RYR2: variants seen among roughly 807,000 people sequenced by gnomAD.
The protein encoded by RYR2 is cardiac muscle ryanodine receptor-calcium release channel.
Under a neutral mutation model 601.1 loss-of-function variants are expected in RYR2, and 227 were observed. The observed-to-expected ratio is 0.38, with a 90% CI of 0.34 to 0.42. The LOEUF is 0.42. RYR2 is among the 10% of genes least tolerant of loss of function. The pLI is 1.00. For synonymous variants in RYR2, 2,223 were observed against 2,175.1 expected, an observed-to-expected ratio of 1.02 and a Z score of -0.61; for missense variants, 4,646 against 6,156.5, an observed-to-expected ratio of 0.75 and a Z score of 8.21.
At chr1:237,339,332 T>C (rs1442167833) in intron 3 of RYR2, among the ~76,000 whole-genome samples, 3 of 152,214 alleles carry the variant, frequency 2.0e-5, no homozygotes, top group East Asian at 3.8e-4. Context: ...GTTTATTTAG[T>C]TATTTTTAAT....
At chr1:237,151,723 A>G (rs2485584) in intron 1 of RYR2, among the ~76,000 whole-genome samples, 69,412 of 152,090 alleles carry the variant, frequency 0.46, 16,998 homozygotes, top group Non-Finnish European at 0.54. Flanking sequence ...CTGAAGGAGC[A>G]GAGGAGGACC....
chr1:237,330,612 T>C (rs1024409869), intron 2 of RYR2, among the ~76,000 whole-genome samples: 1 of 152,182 alleles, frequency 6.6e-6, no homozygotes, highest in Non-Finnish European at 1.5e-5. Flanking sequence ...GAACTCAAAC[T>C]CCTGACCTCA....
In RYR2 at chr1:237,589,960, C is replaced by T. The variant is rs769729405; in HGVS notation, c.3766C>T (p.Pro1256Ser). Residue 1256 changes from proline to serine, a missense_variant, in exon 30 of 105, where the codon CCT (proline) becomes TCT (serine). By Grantham distance (74) the Pro-to-Ser change is moderately conservative. Coordinates refer to ENST00000366574, the MANE Select transcript of RYR2 (RefSeq NM_001035.3). ...TACCATGTGGCTGAGCAAGAGGCTTCCTCAGTTTCTTCAAGTTCCATCAAA... is the reference window on the plus strand; with the variant it reads ...TACCATGTGGCTGAGCAAGAGGCTTTCTCAGTTTCTTCAAGTTCCATCAAA... ...DITMWLSKRLPQFLQVPSNHE... is the reference protein window; with the variant it reads ...DITMWLSKRLSQFLQVPSNHE... 1 of 1,613,866 alleles carries T rather than the reference C, an allele frequency of 6.2e-7. No homozygotes were observed. Among genetic ancestry groups the T allele is most frequent in the African/African-American group, 1.3e-5 (1 of 75,038 alleles).
intron 1 of RYR2, among the ~76,000 whole-genome samples, chr1:237,158,782 G>A (rs1048046660): frequency 1.1e-4 from 16 of 152,162 alleles, no homozygotes; most frequent in South Asian, 2.1e-4. Flanking sequence ...AATGATTGCC[G>A]AATGAATGAA....
intron 1 of RYR2, among the ~76,000 whole-genome samples, chr1:237,046,380 A>G (rs1660606616): frequency 6.6e-6 from 1 of 152,212 alleles, no homozygotes; most frequent in Admixed American, 6.5e-5. Context: ...GGTTTATAGC[A>G]AAAGAATACC....
intron 2 of RYR2, among the ~76,000 whole-genome samples, chr1:237,285,569 C>G (rs1691470245): frequency 6.6e-6 from 1 of 152,122 alleles, no homozygotes; most frequent in Non-Finnish European, 1.5e-5. Context: ...CCTTCTTTCT[C>G]TATCTTGTAG....
At chr1:237,214,374 G>T (rs1400715038) in intron 1 of RYR2, among the ~76,000 whole-genome samples, 1 of 152,150 alleles carries the variant, frequency 6.6e-6, no homozygotes, top group Non-Finnish European at 1.5e-5. Flanking sequence ...TGTACAAGGG[G>T]CATGACACCA....
At chr1:237,403,590 T>G (rs1430474170) in intron 10 of RYR2, among the ~76,000 whole-genome samples, 3 of 152,158 alleles carry the variant, frequency 2.0e-5, no homozygotes, top group African/African-American at 4.8e-5. Context: ...CATGCCTGGC[T>G]AATGTTTAAA....
At chr1:237,348,263 C>T (rs750385871) in intron 3 of RYR2, among the ~76,000 whole-genome samples, 15 of 152,288 alleles carry the variant, frequency 9.8e-5, no homozygotes, top group South Asian at 2.1e-4. Context: ...GCATGCACCA[C>T]TATTCCAGAT....
intron 14 of RYR2, among the ~76,000 whole-genome samples, chr1:237,446,751 A>G (rs539604791): frequency 1.3e-5 from 2 of 152,264 alleles, no homozygotes; most frequent in East Asian, 3.9e-4. Context: ...TCTCAACTCC[A>G]AGCCTCATCA....
intron 71 of RYR2, among the ~76,000 whole-genome samples, chr1:237,714,246 C>A (rs918521503): frequency 6.6e-6 from 1 of 152,034 alleles, no homozygotes; most frequent in African/African-American, 2.4e-5. Flanking sequence ...AGATTATAGG[C>A]ATGCAACAAA....
At chr1:237,145,625 CA>C (rs1673921692) in intron 1 of RYR2, among the ~76,000 whole-genome samples, 1 of 152,172 alleles carries the variant, frequency 6.6e-6, no homozygotes, top group African/African-American at 2.4e-5. Flanking sequence ...CCAGTGTCAG[CA>C]GGCCTTTGTC....
chr1:237,537,708 A>G (rs1388102123), intron 25 of RYR2, among the ~76,000 whole-genome samples: 1 of 152,236 alleles, frequency 6.6e-6, no homozygotes, highest in Non-Finnish European at 1.5e-5. Context: ...ACAAATCTCA[A>G]AAATACTCCT....
At chr1:237,816,480 G>T (rs1366065179) in intron 100 of RYR2, among the ~76,000 whole-genome samples, 6 of 152,048 alleles carry the variant, frequency 3.9e-5, no homozygotes, top group Admixed American at 3.3e-4. Context: ...GAGGTCAGGA[G>T]TTGTTCGAGA....
intron 40 of RYR2, 93 bp from the exon 41 acceptor site, chr1:237,627,714 C>G: frequency 7.7e-7 from 1 of 1,294,882 alleles, no homozygotes; most frequent in Admixed American, 2.8e-5. Context: ...AATAGAAATA[C>G]CAATTTGGGG....
intron 49 of RYR2, among the ~76,000 whole-genome samples, 158 bp from the exon 50 acceptor site, chr1:237,649,719 T>C (rs185557970): frequency 6.6e-6 from 1 of 152,372 alleles, no homozygotes; most frequent in East Asian, 1.9e-4. Context: ...AAAAATCATA[T>C]GAACCCGACA....
In RYR2 at chr1:237,640,823, G is replaced by A. The variant is rs187908910; in HGVS notation, c.7116-74G>A. 8.2e-4 allele frequency: 983 copies of A among 1,192,228 alleles called. 1 individual carries two copies. The highest frequency in any genetic ancestry group is 9.9e-4 in the Non-Finnish European group (808 of 820,100). The allele number at this position is 1,192,228 out of a possible 1,614,324, so 73.9% of individuals were successfully genotyped here. ...GTGTTACCTAGTAGTCCCTTTCCTC[G>A]GAGAGATATGTAATAAACATGAAAT... On this transcript the variant is annotated intron_variant, in intron 46 of 104. Coordinates refer to ENST00000366574, the MANE Select transcript of RYR2 (RefSeq NM_001035.3).
chr1:237,754,561 G>C (rs371957557), intron 80 of RYR2, among the ~76,000 whole-genome samples: 3 of 152,094 alleles, frequency 2.0e-5, no homozygotes, highest in Non-Finnish European at 4.4e-5. Context: ...TGCCTCTTTA[G>C]TTGATGAAAA....
intron 35 of RYR2, among the ~76,000 whole-genome samples, chr1:237,606,231 T>C (rs1178541839): frequency 6.6e-6 from 1 of 151,988 alleles, no homozygotes; most frequent in Non-Finnish European, 1.5e-5. Flanking sequence ...TACAGACCAA[T>C]GGAACAGAAC....
Sources: gnomAD v4.1 joint callset for allele counts (sites outside exome capture counted in the v4.1 genomes callset) on GRCh38, gnomAD v4.1.1 for gene constraint, MANE v1.5 for transcripts, NCBI Gene and HGNC (gene_info 2026-07-23, HGNC 2026-07-21) for gene names.